ARHGAP39: variants seen among roughly 807,000 people sequenced by gnomAD.
ARHGAP39 encodes rho GTPase-activating protein 39.
A neutral mutation model predicts 106.9 loss-of-function variants in ARHGAP39; 44 were observed. The observed-to-expected ratio is 0.41, with a 90% CI of 0.32 to 0.53. The LOEUF is 0.53. Ranked by LOEUF, ARHGAP39 falls within the 20% of genes least tolerant of loss-of-function variation. ARHGAP39 has a pLI of 0.21. For synonymous variants in ARHGAP39, 768 were observed against 693.2 expected, an observed-to-expected ratio of 1.11 and a Z score of -1.69; for missense variants, 1,496 against 1,577.3, an observed-to-expected ratio of 0.95 and a Z score of 0.87.
At position 144,529,498 on chromosome 8, in the gene ARHGAP39, GCTCGT is replaced by G. The variant is rs1279541812; in HGVS notation, c.*919_*923del. The G allele has an allele frequency of 2.0e-5, 3 of 152,124 alleles. No individual in the cohort carries two copies. The East Asian group carries it at 5.8e-4, about 30-fold the overall frequency. 9.4% of individuals were successfully genotyped at this position (152,124 alleles called of 1,614,324 possible). A position where few individuals can be genotyped will look rare whatever the true frequency, so the allele number is the denominator to read the frequency against. On this transcript the variant is annotated 3_prime_UTR_variant, in exon 12 of 12. Coordinates refer to ENST00000377307, the MANE Select transcript of ARHGAP39 (RefSeq NM_025251.3). ...TCCCGGGCCCGGCGCCTTCCCGCTC[GCTCGT>G]CTCCTGCAGGTCTGGGATGGGGATG...
upstream of ARHGAP39, among the ~76,000 whole-genome samples, chr8:144,690,302 G>T (rs896620603): frequency 4.0e-5 from 6 of 151,572 alleles, no homozygotes; most frequent in Non-Finnish European, 7.4e-5. Flanking sequence ...TAGTAGAGGC[G>T]GGTTTTCACC....
At chr8:144,630,790 G>A (rs936975903) in intron 1 of ARHGAP39, among the ~76,000 whole-genome samples, 28 of 152,230 alleles carry the variant, frequency 1.8e-4, no homozygotes, top group African/African-American at 6.0e-4. Context: ...GACGCCAACC[G>A]GCCAGGGCCT....
intron 4 of ARHGAP39, among the ~76,000 whole-genome samples, chr8:144,549,809 C>T (rs1430663480): frequency 6.6e-6 from 1 of 152,212 alleles, no homozygotes; most frequent in Non-Finnish European, 1.5e-5. Context: ...GGTTTTCATG[C>T]TGTGTTCTGC....
chr8:144,673,756 C>T (rs1464470325), intron 1 of ARHGAP39, among the ~76,000 whole-genome samples: 1 of 152,242 alleles, frequency 6.6e-6, no homozygotes, highest in Non-Finnish European at 1.5e-5. Flanking sequence ...TCTCAGCTCA[C>T]ACTACCGGCC....
At position 144,679,363 on chromosome 8, in the gene ARHGAP39, A is replaced by G. The variant is rs2129758211; in HGVS notation, c.-82+6323T>C. ...AGTCCAGGATGGTGCCGGAAAAGAC[A>G]CTAGGTTTCTGCCACTCTCTTGCCA... On this transcript the variant is annotated intron_variant, in intron 1 of 11. Transcript: ENST00000377307. This position sits in a 1 kb window ranked among gnomAD's most constrained non-coding sequence, Gnocchi z 4.7. Among the ~76,000 whole-genome samples the G allele has an allele frequency of 6.6e-6, 1 of 152,206 alleles. No individual in the cohort carries two copies. Among genetic ancestry groups the G allele is most frequent in the Middle Eastern group, 3.4e-3 (1 of 294 alleles).
At chr8:144,540,337 T>C (rs1817138031) in intron 6 of ARHGAP39, among the ~76,000 whole-genome samples, 1 of 152,188 alleles carries the variant, frequency 6.6e-6, no homozygotes, top group African/African-American at 2.4e-5. Context: ...AGTTGGAGGC[T>C]ACAGTGAGCT....
At chr8:144,558,862 CAG>C (rs1425896869) in intron 3 of ARHGAP39, among the ~76,000 whole-genome samples, 2 of 151,628 alleles carry the variant, frequency 1.3e-5, no homozygotes, top group African/African-American at 4.8e-5. Flanking sequence ...CACTTGAGGT[CAG>C]GAGTTCGAGA....
chr8:144,666,463 A>G (rs1821964912), intron 1 of ARHGAP39, among the ~76,000 whole-genome samples: 1 of 152,086 alleles, frequency 6.6e-6, no homozygotes, highest in Admixed American at 6.5e-5. Flanking sequence ...TCTCAATGTG[A>G]ATTGTATCTC....
At chr8:144,692,511 T>G in the ARHGAP39 span, among the ~76,000 whole-genome samples, 1 of 152,150 alleles carries the variant, frequency 6.6e-6, no homozygotes, top group Admixed American at 6.6e-5. Context: ...TAAATCCTCC[T>G]CAAAGACATT....
At chr8:144,578,292 G>A (rs560419723) in intron 3 of ARHGAP39, among the ~76,000 whole-genome samples, 1 of 152,104 alleles carries the variant, frequency 6.6e-6, no homozygotes, top group African/African-American at 2.4e-5. Flanking sequence ...ACAGTGGTGC[G>A]ATCTCGGCTC....
intron 1 of ARHGAP39, among the ~76,000 whole-genome samples, chr8:144,632,718 C>A (rs994440235): frequency 6.6e-6 from 1 of 152,224 alleles, no homozygotes; most frequent in Non-Finnish European, 1.5e-5. Flanking sequence ...CCACAACCGC[C>A]CAGACAATTG....
In ARHGAP39 at chr8:144,607,180, G is replaced by A. The variant is rs915788346; in HGVS notation, c.-81-1485C>T. 1.8e-4 allele frequency among the ~76,000 whole-genome samples: 27 copies of A among 148,932 alleles called. 1 individual carries two copies. Among genetic ancestry groups the A allele is most frequent in the Admixed American group, 4.0e-4 (6 of 14,886 alleles). On this transcript the variant is annotated intron_variant, in intron 1 of 11. Transcript: ENST00000377307. ...GGTCCCAGCTACACGTGAGGAAGAG[G>A]AGGGAGGATCCCGCCACTGCGCTCC...
chr8:144,636,905 A>G (rs1821184724), intron 1 of ARHGAP39, among the ~76,000 whole-genome samples: 1 of 152,238 alleles, frequency 6.6e-6, no homozygotes, highest in African/African-American at 2.4e-5. Flanking sequence ...ACTGCTTCAC[A>G]GACTTCCAAA....
chr8:144,599,607 G>A (rs376912479), intron 2 of ARHGAP39, among the ~76,000 whole-genome samples: 15 of 152,108 alleles, frequency 9.9e-5, no homozygotes, highest in East Asian at 1.9e-4. Flanking sequence ...GGGAACGTGC[G>A]AATGGTCTAT....
At chr8:144,669,325 G>C (rs1354685203) in intron 1 of ARHGAP39, among the ~76,000 whole-genome samples, 1 of 1,568 alleles carries the variant, frequency 6.4e-4, no homozygotes, top group Non-Finnish European at 1.2e-3. Flanking sequence ...GGCTAACACA[G>C]TGAAACCCCA....
intron 7 of ARHGAP39, among the ~76,000 whole-genome samples, chr8:144,536,881 C>A: frequency 6.6e-6 from 1 of 152,250 alleles, no homozygotes. Flanking sequence ...AGCATGCAGT[C>A]AGGGATGGCT....
intron 4 of ARHGAP39, among the ~76,000 whole-genome samples, chr8:144,552,468 A>G (rs1415877198): frequency 6.6e-6 from 1 of 152,232 alleles, no homozygotes; most frequent in Non-Finnish European, 1.5e-5. Context: ...ATACAGACAC[A>G]GTTATACTCA....
chr8:144,595,417 G>C (rs540657744), intron 2 of ARHGAP39, among the ~76,000 whole-genome samples: 2 of 152,230 alleles, frequency 1.3e-5, no homozygotes, highest in Non-Finnish European at 2.9e-5. Flanking sequence ...CCCGAGGCTG[G>C]GGAGAGGCTG....
rs1184993700 is a variant in ARHGAP39 at position 144,679,404 on chromosome 8, C to T, written c.-82+6282G>A. Among the ~76,000 whole-genome samples the T allele has an allele frequency of 6.6e-6, 1 of 152,192 alleles. No individual in the cohort carries two copies. Among genetic ancestry groups the T allele is most frequent in the Non-Finnish European group, 1.5e-5 (1 of 68,030 alleles). The stretch of plus-strand genomic sequence containing the variant: ...TCTCTTGCCATAAAAACAGCATGTG[C>T]CACATAAGGCCTGGTCCTGGATCTG... On this transcript the variant is annotated intron_variant, in intron 1 of 11. Coordinates refer to ENST00000377307, the MANE Select transcript of ARHGAP39 (RefSeq NM_025251.3). The surrounding 1 kb of genome is among the most constrained non-coding windows in gnomAD (Gnocchi z 4.7).
Sources: allele counts gnomAD v4.1 joint callset (sites outside exome capture counted in the v4.1 genomes callset), GRCh38; gene constraint gnomAD v4.1.1; non-coding constraint Gnocchi (gnomAD v3.1); transcripts MANE v1.5; gene names NCBI Gene and HGNC (gene_info 2026-07-23, HGNC 2026-07-21).